ADAMTS12: variants seen among roughly 807,000 people sequenced by gnomAD.
ADAMTS12 encodes the protein ADAM metallopeptidase with thrombospondin type 1 motif 12, also known as A disintegrin and metalloproteinase with thrombospondin motifs 12.
In ADAMTS12, 118 loss-of-function variants were observed where a neutral mutation model predicts 167.8. The ratio of observed to expected loss-of-function variants is 0.70; its 90% CI spans 0.61 to 0.82. ADAMTS12 has a LOEUF of 0.82. Among genes scored for constraint, ADAMTS12 ranks in the 40% least tolerant of loss-of-function variants. The pLI is 0.00. For missense variants in ADAMTS12, 1,916 were observed against 1,998.8 expected (o/e 0.96, Z 0.79); for synonymous variants, 704 against 716.9 (o/e 0.98, Z 0.29).
intron 15 of ADAMTS12, 61 bp from the exon 16 acceptor site, chr5:33,614,437 G>A (rs1738883221): frequency 1.3e-6 from 2 of 1,585,266 alleles, no homozygotes; most frequent in Admixed American, 3.4e-5. Flanking sequence ...AGCCAGTCAT[G>A]TAAAAACACC....
intron 3 of ADAMTS12, among the ~76,000 whole-genome samples, chr5:33,710,372 G>C (rs1743350421): frequency 6.6e-6 from 1 of 152,100 alleles, no homozygotes; most frequent in Admixed American, 6.6e-5. Flanking sequence ...TCCACCACTG[G>C]AGCATGGTGT....
At chr5:33,799,725 C>G (rs886444346) in intron 2 of ADAMTS12, among the ~76,000 whole-genome samples, 1 of 152,152 alleles carries the variant, frequency 6.6e-6, no homozygotes, top group Non-Finnish European at 1.5e-5. Flanking sequence ...CTTTGCTGCT[C>G]AAAATAGTTG....
chr5:33,570,188 G>A (rs2111930185), intron 19 of ADAMTS12, among the ~76,000 whole-genome samples: 1 of 152,284 alleles, frequency 6.6e-6, no homozygotes, highest in East Asian at 1.9e-4. Flanking sequence ...TATTATCCAG[G>A]AGAACTTCCC....
intron 3 of ADAMTS12, among the ~76,000 whole-genome samples, chr5:33,748,495 C>T (rs1549258): frequency 0.74 from 112,335 of 151,980 alleles, 41,643 homozygotes; most frequent in Non-Finnish European, 0.75. Flanking sequence ...GCCTGGAAAA[C>T]AGAAATTAAG....
At chr5:33,528,707 A>G (rs1312037591) in intron 23 of ADAMTS12, among the ~76,000 whole-genome samples, 1 of 152,212 alleles carries the variant, frequency 6.6e-6, no homozygotes, top group African/African-American at 2.4e-5. Flanking sequence ...GCTCTAATCA[A>G]TCATACTATT....
chr5:33,868,028 G>A (rs142451213), intron 2 of ADAMTS12, among the ~76,000 whole-genome samples: 35 of 152,180 alleles, frequency 2.3e-4, no homozygotes, highest in African/African-American at 5.8e-4. Context: ...TCCTCTGGCC[G>A]TGTAATATAT....
rs1299167238 is a variant in ADAMTS12, at chr5:33,576,192, TG to T, written c.3833del (p.Thr1278LysfsTer8). 2.5e-6 allele frequency: 4 copies of T among 1,614,224 alleles called. No homozygotes were observed. The highest frequency in any genetic ancestry group is 2.5e-6 in the Non-Finnish European group (3 of 1,180,036). On this transcript the variant is annotated frameshift_variant, in exon 19 of 24. Transcript: ENST00000504830. LOFTEE classifies it high-confidence loss of function. Reference sequence around the variant, plus strand: ...CAGTCAGGACTGGTTCAGAACTTTTTGTTTGGTTCATGTTGTTTGGAAGTTT... The same window carrying T: ...CAGTCAGGACTGGTTCAGAACTTTTTTTTGGTTCATGTTGTTTGGAAGTTT... ...HLKLPNNMNQ[T>X]KSSEPVLTEE...
intron 9 of ADAMTS12, among the ~76,000 whole-genome samples, chr5:33,648,508 C>T (rs1319162579): frequency 6.6e-6 from 1 of 152,142 alleles, no homozygotes; most frequent in African/African-American, 2.4e-5. Flanking sequence ...AGAAAGGGAG[C>T]AATTTTAGGG....
chr5:33,876,203 A>G (rs1210966746), intron 2 of ADAMTS12, among the ~76,000 whole-genome samples: 1 of 152,222 alleles, frequency 6.6e-6, no homozygotes, highest in East Asian at 1.9e-4. Context: ...GACTTGACAT[A>G]GCAAAGATGT....
chr5:33,645,144 TTTATTATTATTATTATTATTA>T (rs145012036), intron 9 of ADAMTS12, among the ~76,000 whole-genome samples: 3 of 146,036 alleles, frequency 2.1e-5, no homozygotes, highest in African/African-American at 2.5e-5. Flanking sequence ...AAATGCTTTA[TTTATTATTATTATTATTATTA>T]TTATTATTAT....
chr5:33,757,299 T>TA (rs758437916), intron 2 of ADAMTS12, among the ~76,000 whole-genome samples: 6 of 152,206 alleles, frequency 3.9e-5, no homozygotes, highest in African/African-American at 7.2e-5. Context: ...CACCTGGATA[T>TA]AAAAAATGCA....
At chr5:33,840,147 C>T (rs1225727071) in intron 2 of ADAMTS12, 1 of 152,218 alleles carries the variant, frequency 6.6e-6, no homozygotes, top group African/African-American at 2.4e-5. Context: ...TACTTACACC[C>T]ATTTTCTCCA....
chr5:33,884,415 C>A (rs1750567471), intron 1 of ADAMTS12, among the ~76,000 whole-genome samples: 1 of 152,204 alleles, frequency 6.6e-6, no homozygotes, highest in Non-Finnish European at 1.5e-5. Context: ...CCTGGCCGTG[C>A]TTTTGGTCAG....
At chr5:33,716,850 G>A (rs1488380805) in intron 3 of ADAMTS12, among the ~76,000 whole-genome samples, 1 of 152,084 alleles carries the variant, frequency 6.6e-6, no homozygotes, top group Non-Finnish European at 1.5e-5. Flanking sequence ...AAAGGCTTCA[G>A]ATTCTTCTCC....
intron 2 of ADAMTS12, among the ~76,000 whole-genome samples, chr5:33,805,609 G>A (rs904556443): frequency 3.9e-5 from 6 of 152,190 alleles, no homozygotes; most frequent in African/African-American, 1.2e-4. Flanking sequence ...GGAGCGCGTG[G>A]AGGCTTTCAT....
intron 16 of ADAMTS12, among the ~76,000 whole-genome samples, chr5:33,597,681 C>G (rs1354447548): frequency 9.0e-6 from 1 of 110,810 alleles, no homozygotes; most frequent in East Asian, 6.1e-4. Context: ...TAAAAAAGAA[C>G]AATTTTTTTT....
At chr5:33,717,580 C>T (rs1307805857) in intron 3 of ADAMTS12, among the ~76,000 whole-genome samples, 2 of 152,076 alleles carry the variant, frequency 1.3e-5, no homozygotes, top group Non-Finnish European at 2.9e-5. Context: ...CACCATGGCA[C>T]CATATGTCTC....
At chr5:33,687,796 G>A (rs1309852783) in intron 3 of ADAMTS12, among the ~76,000 whole-genome samples, 2 of 152,090 alleles carry the variant, frequency 1.3e-5, no homozygotes, top group South Asian at 2.1e-4. Flanking sequence ...TTTCTGCTAC[G>A]CAATTTCAGA....
In ADAMTS12 at chr5:33,561,137, C is replaced by G. The variant is rs750118465; in HGVS notation, c.4015G>C (p.Glu1339Gln). ...TCAGAATCCATCTGGGTGCTGCACT[C>G]CACCCTTCTCCAGTAGGCCCCCAGG... Reference protein sequence around the residue: ...CGLGAYWRRVECSTQMDSDCA... With the variant: ...CGLGAYWRRVQCSTQMDSDCA... Residue 1339 changes from glutamate (E) to glutamine (Q), a missense_variant, in exon 20 of 24, where the codon GAG becomes CAG. Glu to Gln is a conservative substitution (Grantham distance 29, BLOSUM62 2). Coordinates refer to ENST00000504830, the MANE Select transcript of ADAMTS12 (RefSeq NM_030955.4). The G allele has an allele frequency of 4.3e-6, 7 of 1,613,992 alleles. No homozygotes were observed. The Admixed American group carries it at 1.2e-4, about 27-fold the overall frequency.
Sources: gnomAD v4.1 joint callset for allele counts (sites outside exome capture counted in the v4.1 genomes callset) on GRCh38, gnomAD v4.1.1 for gene constraint, MANE v1.5 for transcripts, NCBI Gene and HGNC (gene_info 2026-07-23, HGNC 2026-07-21) for gene names.